The following NLGN1 variants were observed in gnomAD, a reference collection of about 807,000 sequenced individuals.
NLGN1 encodes the protein neuroligin 1, also known as neuroligin-1.
Under a neutral mutation model 65.5 loss-of-function variants are expected in NLGN1, and 12 were observed. The observed-to-expected ratio is 0.18, with a 90% CI of 0.12 to 0.30. NLGN1 has a LOEUF of 0.30. Ranked by LOEUF, NLGN1 falls within the 10% of genes least tolerant of loss-of-function variation. The pLI is 1.00. For missense variants in NLGN1, 750 were observed against 1,007.1 expected (o/e 0.74, Z 3.46); for synonymous variants, 350 against 359.5 (o/e 0.97, Z 0.30).
At chr3:174,269,788 G>A (rs1054764320) in intron 4 of NLGN1, among the ~76,000 whole-genome samples, 3 of 151,818 alleles carry the variant, frequency 2.0e-5, no homozygotes, top group African/African-American at 7.2e-5. Flanking sequence ...AGGGTTACAT[G>A]TTTTACATTC....
At chr3:174,138,433 C>CTTTTTTTTT (rs58713208) in intron 4 of NLGN1, among the ~76,000 whole-genome samples, 3 of 132,564 alleles carry the variant, frequency 2.3e-5, no homozygotes, top group African/African-American at 2.9e-5. Context: ...TTCTACTATT[C>CTTTTTTTTT]TTTTTTTTTT....
At chr3:173,876,487 C>A (rs1732128490) in intron 4 of NLGN1, among the ~76,000 whole-genome samples, 1 of 152,068 alleles carries the variant, frequency 6.6e-6, no homozygotes, top group South Asian at 2.1e-4. Context: ...ACAATAATTA[C>A]AGATTTTTAA....
intron 3 of NLGN1, among the ~76,000 whole-genome samples, chr3:173,702,265 T>C (rs1199611881): frequency 1.3e-5 from 2 of 151,176 alleles, no homozygotes; most frequent in Non-Finnish European, 2.9e-5. Flanking sequence ...AGAAGAGTTT[T>C]CAAGTGTAAT....
At chr3:173,942,231 T>G (rs1219295824) in intron 4 of NLGN1, among the ~76,000 whole-genome samples, 1 of 152,000 alleles carries the variant, frequency 6.6e-6, no homozygotes, top group Non-Finnish European at 1.5e-5. Context: ...ACTGCCTATA[T>G]TCTGGGCATC....
At chr3:173,405,878 T>C (rs1239978612) in intron 1 of NLGN1, among the ~76,000 whole-genome samples, 1 of 152,110 alleles carries the variant, frequency 6.6e-6, no homozygotes, top group African/African-American at 2.4e-5. Flanking sequence ...TAAACATGTT[T>C]CCTGGCTCTA....
At chr3:173,873,369 G>C (rs1476866233) in intron 4 of NLGN1, among the ~76,000 whole-genome samples, 1 of 152,088 alleles carries the variant, frequency 6.6e-6, no homozygotes, top group Non-Finnish European at 1.5e-5. Context: ...GATTATAGAC[G>C]TGAGCCACCA....
chr3:174,132,920 C>T (rs1337729395), intron 4 of NLGN1, among the ~76,000 whole-genome samples: 2 of 152,172 alleles, frequency 1.3e-5, no homozygotes, highest in African/African-American at 4.8e-5. Context: ...ACAAATTAGG[C>T]TTAACCACTA....
intron 2 of NLGN1, among the ~76,000 whole-genome samples, chr3:173,598,148 T>C (rs1193498694): frequency 2.6e-5 from 4 of 152,196 alleles, no homozygotes; most frequent in African/African-American, 4.8e-5. Context: ...TACAACTTGA[T>C]ACAAATGTGT....
chr3:173,985,632 A>G (rs545654758), intron 4 of NLGN1, among the ~76,000 whole-genome samples: 28 of 152,302 alleles, frequency 1.8e-4, no homozygotes, highest in African/African-American at 6.0e-4. Flanking sequence ...GAAGTCATAC[A>G]TTTTGTAATA....
At chr3:174,032,922 C>T (rs1730319190) in intron 4 of NLGN1, among the ~76,000 whole-genome samples, 1 of 151,932 alleles carries the variant, frequency 6.6e-6, no homozygotes, top group African/African-American at 2.4e-5. Context: ...ATTTGGAATG[C>T]TGCAGCCAGA....
intron 2 of NLGN1, among the ~76,000 whole-genome samples, chr3:173,588,861 G>A (rs1747956648): frequency 6.6e-6 from 1 of 152,086 alleles, no homozygotes; most frequent in Non-Finnish European, 1.5e-5. Context: ...CCTATATATA[G>A]CAACACAGCA....
intron 3 of NLGN1, among the ~76,000 whole-genome samples, chr3:173,789,162 G>C (rs1187853249): frequency 2.0e-5 from 3 of 151,344 alleles, no homozygotes; most frequent in Admixed American, 2.0e-4. Flanking sequence ...TCGCGCCACT[G>C]CACTCTAGCC....
Position 173,759,369 on chromosome 3 carries a change from A to G in NLGN1, c.494-48311A>G, listed in dbSNP as rs1291943985. 2.0e-5 allele frequency among the ~76,000 whole-genome samples: 3 copies of G among 152,008 alleles called. No individual in the cohort carries two copies. In the East Asian group the frequency reaches 5.8e-4, roughly 29 times the overall value. ...TATTCAACCATTTTCCTATTAAGAA[A>G]CATTCACCTTTTTCTTATGTAGTTT... On this transcript the variant is annotated intron_variant, in intron 3 of 6. Coordinates refer to ENST00000457714, the Ensembl canonical transcript of NLGN1.
intron 4 of NLGN1, among the ~76,000 whole-genome samples, chr3:173,990,464 C>A (rs1720862873): frequency 6.6e-6 from 1 of 152,116 alleles, no homozygotes; most frequent in South Asian, 2.1e-4. Context: ...AAATTTTTTG[C>A]AAATGAGCAT....
chr3:174,231,428 A>C (rs1204623578), intron 4 of NLGN1, among the ~76,000 whole-genome samples: 2 of 152,188 alleles, frequency 1.3e-5, no homozygotes, highest in African/African-American at 4.8e-5. Context: ...AACATTCAGC[A>C]GTCTATGAGT....
At chr3:173,873,824 T>C (rs1219272202) in intron 4 of NLGN1, among the ~76,000 whole-genome samples, 1 of 152,180 alleles carries the variant, frequency 6.6e-6, no homozygotes, top group African/African-American at 2.4e-5. Flanking sequence ...AAAAGTCATA[T>C]GTTGCGTACC....
At chr3:173,666,531 T>C (rs1761719570) in intron 3 of NLGN1, among the ~76,000 whole-genome samples, 1 of 152,184 alleles carries the variant, frequency 6.6e-6, no homozygotes, top group Non-Finnish European at 1.5e-5. Context: ...GATACAGTCT[T>C]GTTTTAATCA....
intron 4 of NLGN1, among the ~76,000 whole-genome samples, chr3:173,981,199 GAGGACTACATATAA>G (rs1718697557): frequency 6.6e-6 from 1 of 152,086 alleles, no homozygotes; most frequent in Non-Finnish European, 1.5e-5. Context: ...ACAGTTGTGT[GAGGACTACATATAA>G]AGTATTTAAA....
intron 1 of NLGN1, among the ~76,000 whole-genome samples, chr3:173,416,927 C>G (rs914016958): frequency 1.3e-5 from 2 of 152,050 alleles, no homozygotes; most frequent in African/African-American, 4.8e-5. Context: ...TAAAATAAAT[C>G]TTTATGATAC....
Sources: allele counts gnomAD v4.1 joint callset (sites outside exome capture counted in the v4.1 genomes callset), GRCh38; gene constraint gnomAD v4.1.1; transcripts MANE v1.5; gene names NCBI Gene and HGNC (gene_info 2026-07-23, HGNC 2026-07-21).